The following BICDL1 variants were observed in gnomAD, a reference collection of about 807,000 sequenced individuals.
The protein encoded by BICDL1 is BICD family-like cargo adapter 1.
In BICDL1, 20 loss-of-function variants were observed where a neutral mutation model predicts 76.8. The ratio of observed to expected loss-of-function variants is 0.26; its 90% CI spans 0.18 to 0.38. The LOEUF is 0.38. BICDL1 is among the 10% of genes least tolerant of loss of function. The pLI is 1.00. For missense variants in BICDL1, 700 were observed against 798.6 expected, an observed-to-expected ratio of 0.88 and a Z score of 1.49; for synonymous variants, 383 against 337.1, an observed-to-expected ratio of 1.14 and a Z score of -1.49.
In BICDL1 at chr12:119,989,509, G is replaced by A. The variant is rs1360019480; in HGVS notation, c.-360G>A. ...GCGGCAACAGGGCGGCTGAGAACCC[G>A]GCGGCGGCGTTCCTCCTCGCTTCCT... On this transcript the variant is annotated 5_prime_UTR_variant, in exon 1 of 10. Transcript: ENST00000548673. Among the ~76,000 whole-genome samples the A allele has an allele frequency of 6.6e-6, 1 of 150,438 alleles. No homozygotes were observed. Among genetic ancestry groups the A allele is most frequent in the Non-Finnish European group, 1.5e-5 (1 of 67,370 alleles).
intron 1 of BICDL1, among the ~76,000 whole-genome samples, chr12:119,994,650 C>T (rs372765633): frequency 1.5e-4 from 23 of 152,000 alleles, no homozygotes; most frequent in Non-Finnish European, 2.9e-5. Flanking sequence ...CCACCATGCC[C>T]GGCTAATTTT....
In BICDL1 at chr12:120,050,669, T is replaced by C. The variant is rs192431137; in HGVS notation, c.646-11041T>C. 2.6e-3 allele frequency among the ~76,000 whole-genome samples: 390 copies of C among 151,970 alleles called. 1 individual carries two copies. Among genetic ancestry groups the C allele is most frequent in the African/African-American group, 9.1e-3 (378 of 41,432 alleles). On this transcript the variant is annotated intron_variant, in intron 2 of 9. Transcript: ENST00000548673. ...TTTTTTGTTTTTGCTTGAGACAGAG[T>C]CTTACTCTGTTGCCCAGGCTGGAAT...
At chr12:120,075,578 G>A (rs1281727028) in intron 7 of BICDL1, among the ~76,000 whole-genome samples, 2 of 151,908 alleles carry the variant, frequency 1.3e-5, no homozygotes, top group Non-Finnish European at 1.5e-5. Flanking sequence ...AGAGATGAGG[G>A]TTCGCCATGT....
Position 120,007,807 on chromosome 12 carries a change from A to G in BICDL1, c.645+9071A>G, listed in dbSNP as rs139676264. ...AGTTAAAGACATTAATACAGTGTCC[A>G]TAAGTGTCACCACCACTCTGCCTCT... On this transcript the variant is annotated intron_variant, in intron 2 of 9. Transcript: ENST00000548673. Among the ~76,000 whole-genome samples the G allele has an allele frequency of 1.8e-3, 281 of 152,348 alleles. 1 individual carries two copies. Among genetic ancestry groups the G allele is most frequent in the African/African-American group, 6.5e-3 (269 of 41,578 alleles).
At chr12:119,997,474 A>G (rs543542017) in intron 1 of BICDL1, among the ~76,000 whole-genome samples, 25 of 152,340 alleles carry the variant, frequency 1.6e-4, no homozygotes, top group Middle Eastern at 3.4e-3. Flanking sequence ...GAATGAATCA[A>G]TGTATCAAAT....
chr12:120,062,409 T>G (rs1953125263), intron 3 of BICDL1, among the ~76,000 whole-genome samples: 1 of 152,022 alleles, frequency 6.6e-6, no homozygotes, highest in Non-Finnish European at 1.5e-5. Flanking sequence ...GGTAAGGATC[T>G]TATCACCAGC....
chr12:120,087,830 A>T (rs1364444648), intron 8 of BICDL1, among the ~76,000 whole-genome samples: 1 of 152,212 alleles, frequency 6.6e-6, no homozygotes, highest in Non-Finnish European at 1.5e-5. Flanking sequence ...ATGTGAAAAT[A>T]AAAAAATGCA....
intron 2 of BICDL1, among the ~76,000 whole-genome samples, chr12:120,054,916 A>G (rs1952943475): frequency 6.6e-6 from 1 of 152,180 alleles, no homozygotes; most frequent in African/African-American, 2.4e-5. Flanking sequence ...TATTGATACA[A>G]TGCTAAGTAA....
At chr12:120,064,324 T>C (rs942398253) in intron 3 of BICDL1, among the ~76,000 whole-genome samples, 1 of 152,186 alleles carries the variant, frequency 6.6e-6, no homozygotes, top group Non-Finnish European at 1.5e-5. Flanking sequence ...CTGGGCATTT[T>C]CTTGTGCTCA....
chr12:119,997,938 AC>A (rs1300158978), intron 1 of BICDL1, among the ~76,000 whole-genome samples: 2 of 151,772 alleles, frequency 1.3e-5, no homozygotes, highest in Non-Finnish European at 2.9e-5. Context: ...ACATTGTAAA[AC>A]CCCATCTCTA....
chr12:120,073,153 C>T (rs780165454), intron 6 of BICDL1, among the ~76,000 whole-genome samples: 1 of 152,160 alleles, frequency 6.6e-6, no homozygotes, highest in African/African-American at 2.4e-5. Flanking sequence ...GGATTGCAGG[C>T]GTGAGCCACC....
At chr12:120,012,224 A>G (rs1475821352) in intron 2 of BICDL1, among the ~76,000 whole-genome samples, 9 of 152,174 alleles carry the variant, frequency 5.9e-5, no homozygotes, top group Admixed American at 4.6e-4. Context: ...TTTCCATTCC[A>G]GTCATGACAC....
rs140135341 is a variant in BICDL1, at chr12:119,989,580, C to G, written c.-289C>G. On this transcript the variant is annotated 5_prime_UTR_variant, in exon 1 of 10. Coordinates refer to ENST00000548673, the MANE Select transcript of BICDL1 (RefSeq NM_001367886.1). ...CTCAGTCTCTGTTCCTGAGTCCTCC[C>G]TTCCCCAGCCTTCCCGTTCCCACCA... 0.013 allele frequency among the ~76,000 whole-genome samples: 1,918 copies of G among 150,524 alleles called. 15 individuals are homozygous for G. Among genetic ancestry groups the G allele is most frequent in the Non-Finnish European group, 0.018 (1,229 of 67,382 alleles).
At chr12:120,019,063 AAAAGT>A (rs1419433505) in intron 2 of BICDL1, 4 of 152,196 alleles carry the variant, frequency 2.6e-5, no homozygotes, top group Non-Finnish European at 5.9e-5. Flanking sequence ...AAAAAAAAAA[AAAAGT>A]CTGTGTCTTG....
intron 2 of BICDL1, among the ~76,000 whole-genome samples, chr12:120,059,273 GT>G (rs747885981): frequency 2.7e-5 from 4 of 150,706 alleles, no homozygotes; most frequent in Non-Finnish European, 5.9e-5. Flanking sequence ...TTGTTTGTTT[GT>G]TTGTTTGTTT....
chr12:120,073,206 T>C (rs1657853847), intron 6 of BICDL1, among the ~76,000 whole-genome samples: 1 of 152,184 alleles, frequency 6.6e-6, no homozygotes, highest in Admixed American at 6.5e-5. Flanking sequence ...CAACTACTGC[T>C]GTGATGAGGC....
At chr12:120,047,469 C>G (rs375016230) in intron 2 of BICDL1, among the ~76,000 whole-genome samples, 16 of 152,288 alleles carry the variant, frequency 1.1e-4, no homozygotes, top group East Asian at 3.9e-4. Context: ...ATTTCATCAC[C>G]TGCAAAATTA....
chr12:120,080,936 G>T lies in BICDL1; in HGVS notation c.1502G>T (p.Arg501Leu). The T allele has an allele frequency of 6.2e-7, 1 of 1,613,668 alleles. No homozygotes were observed. The highest frequency in any genetic ancestry group is 1.1e-5 in the South Asian group (1 of 91,008). Residue 501 changes from arginine (R) to leucine (L), a missense_variant, in exon 8 of 10, where the codon CGA (arginine) becomes CTA (leucine). Coordinates refer to ENST00000548673, the MANE Select transcript of BICDL1 (RefSeq NM_001367886.1). Reference sequence around the variant, plus strand: ...ACTGCCCTAAAAGAGGAGAGAGACCGACTCAGAGTCACTTCTGAGGACAAG... The same window carrying T: ...ACTGCCCTAAAAGAGGAGAGAGACCTACTCAGAGTCACTTCTGAGGACAAG... The part of the protein sequence containing the change: ...EMTALKEERD[R>L]LRVTSEDKEP...
At position 120,093,080 on chromosome 12, in the gene BICDL1, C is replaced by T; in HGVS notation, c.1785C>T (p.Cys595=). 1.2e-6 allele frequency: 2 copies of T among 1,609,380 alleles called. No homozygotes were observed. Among genetic ancestry groups the T allele is most frequent in the East Asian group, 2.2e-5 (1 of 44,810 alleles). The change falls in exon 10 of 10, where the codon TGC becomes TGT. Residue 595 remains cysteine (C), a synonymous_variant. Transcript: ENST00000548673. ...KERSQPAAAL[C]RGHSAGRGDE... Reference sequence around the variant, plus strand: ...GGAGCCAGCCGGCTGCTGCCCTCTGCAGGGGCCACAGCGCTGGGCGGGGGG... The same window carrying T: ...GGAGCCAGCCGGCTGCTGCCCTCTGTAGGGGCCACAGCGCTGGGCGGGGGG...
Sources: allele counts gnomAD v4.1 joint callset (sites outside exome capture counted in the v4.1 genomes callset), GRCh38; gene constraint gnomAD v4.1.1; transcripts MANE v1.5; gene names NCBI Gene and HGNC (gene_info 2026-07-23, HGNC 2026-07-21).